The following DNAJC5B variants were observed in gnomAD, a reference collection of about 807,000 sequenced individuals.
DNAJC5B encodes dnaJ homolog subfamily C member 5B.
DNAJC5B carries 23 observed loss-of-function variants against 24.7 expected under a neutral mutation model. The observed-to-expected ratio is 0.93, with a 90% CI of 0.67 to 1.32. DNAJC5B has a LOEUF of 1.32. Ranked by LOEUF, DNAJC5B falls within the 40% of genes most tolerant of loss-of-function variation. The probability of loss-of-function intolerance (pLI) is 0.00; values close to 1 mark genes in which losing one functional copy is unlikely to be tolerated. For synonymous variants in DNAJC5B, 101 were observed against 90.1 expected, an observed-to-expected ratio of 1.12 and a Z score of -0.68; for missense variants, 238 against 240.8, an observed-to-expected ratio of 0.99 and a Z score of 0.08.
At chr8:66,040,090 G>T (rs919178782) in intron 1 of DNAJC5B, among the ~76,000 whole-genome samples, 1 of 152,120 alleles carries the variant, frequency 6.6e-6, no homozygotes, top group African/African-American at 2.4e-5. Flanking sequence ...GGAGACATAG[G>T]CTTCAAGAAA....
chr8:66,080,652 A>G, intron 5 of DNAJC5B, 104 bp downstream of exon 5: 1 of 990,752 alleles, frequency 1.0e-6, no homozygotes, highest in South Asian at 1.9e-5. Flanking sequence ...AGCTCCCACA[A>G]CCAAATGGGT....
At chr8:66,015,687 G>C in the DNAJC5B span, among the ~76,000 whole-genome samples, 1 of 152,304 alleles carries the variant, frequency 6.6e-6, no homozygotes, top group Non-Finnish European at 1.5e-5. Flanking sequence ...TATTATCCTT[G>C]GTCTGAGAGA....
At chr8:66,051,773 A>G (rs1026324624) in intron 3 of DNAJC5B, 107 bp downstream of exon 3, 7 of 792,398 alleles carry the variant, frequency 8.8e-6, no homozygotes, top group Non-Finnish European at 1.5e-5. Flanking sequence ...AGTAATCCAA[A>G]TTTTAGATCC....
At chr8:66,053,703 C>G (rs1363080964) in intron 3 of DNAJC5B, among the ~76,000 whole-genome samples, 2 of 151,148 alleles carry the variant, frequency 1.3e-5, no homozygotes, top group Non-Finnish European at 2.9e-5. Flanking sequence ...GATCTCGGCT[C>G]ACCGCAACCT....
chr8:66,028,958 C>A (rs1001220024), intron 1 of DNAJC5B, among the ~76,000 whole-genome samples: 1 of 152,210 alleles, frequency 6.6e-6, no homozygotes, highest in Admixed American at 6.5e-5. Context: ...CTTGGCTACC[C>A]ATTTATCCAT....
At position 66,061,452 on chromosome 8, in the gene DNAJC5B, T is replaced by G. The variant is rs556573509; in HGVS notation, c.119+9786T>G. 2.0e-5 allele frequency among the ~76,000 whole-genome samples: 3 copies of G among 152,180 alleles called. No individual in the cohort carries two copies. The South Asian group carries it at 6.2e-4, about 32-fold the overall frequency. On this transcript the variant is annotated intron_variant, in intron 3 of 5. Transcript: ENST00000276570. ...AAATGCTTAGCCAGGGTTTGGCACA[T>G]GGGTACTGGGTGCTACAAAGGATAT...
At chr8:66,086,006 G>C (rs1022840688) in intron 5 of DNAJC5B, among the ~76,000 whole-genome samples, 26 of 152,144 alleles carry the variant, frequency 1.7e-4, no homozygotes, top group African/African-American at 6.3e-4. Context: ...TACAAAGCTG[G>C]TAATGTCTTG....
intron 1 of DNAJC5B, among the ~76,000 whole-genome samples, chr8:66,032,501 T>C (rs1806380841): frequency 6.6e-6 from 1 of 152,208 alleles, no homozygotes; most frequent in South Asian, 2.1e-4. Context: ...CCCACTCTGC[T>C]TGGGAGGGAG....
At chr8:66,027,797 T>C (rs1312528078) in intron 1 of DNAJC5B, among the ~76,000 whole-genome samples, 1 of 152,222 alleles carries the variant, frequency 6.6e-6, no homozygotes, top group African/African-American at 2.4e-5. Flanking sequence ...TCATACTATG[T>C]CCTTTCAAGG....
At chr8:66,015,547 C>T in the DNAJC5B span, among the ~76,000 whole-genome samples, 1 of 120,834 alleles carries the variant, frequency 8.3e-6, no homozygotes, top group East Asian at 2.0e-4. Context: ...GAAGGGAGAG[C>T]GAGAAATGAG....
chr8:66,075,712 A>G (rs1807447704), intron 3 of DNAJC5B, among the ~76,000 whole-genome samples: 1 of 152,208 alleles, frequency 6.6e-6, no homozygotes, highest in African/African-American at 2.4e-5. Flanking sequence ...GCTTTTAAAT[A>G]TTTTGGTAAT....
chr8:66,066,183 C>T (rs1179878234), intron 3 of DNAJC5B, among the ~76,000 whole-genome samples: 1 of 152,156 alleles, frequency 6.6e-6, no homozygotes, highest in Admixed American at 6.5e-5. Context: ...AATGAGGTAT[C>T]GCCTTACTCC....
rs549866061 is a variant in DNAJC5B at position 66,081,111 on chromosome 8, G to A, written c.505+563G>A. ...CAGCATCAAGGATGGGACTATTTGC[G>A]TTGCTAACCCACCTCCGTGTGTCCA... is the stretch of plus-strand genomic sequence containing the variant. On this transcript the variant is annotated intron_variant, in intron 5 of 5. Coordinates refer to ENST00000276570, the MANE Select transcript of DNAJC5B (RefSeq NM_033105.6). 1.1e-4 allele frequency among the ~76,000 whole-genome samples: 17 copies of A among 152,234 alleles called. No individual in the cohort carries two copies. The South Asian group carries it at 2.9e-3, about 26-fold the overall frequency.
chr8:66,022,302 C>G (rs757240573), intron 1 of DNAJC5B, among the ~76,000 whole-genome samples: 8 of 152,168 alleles, frequency 5.3e-5, no homozygotes, highest in Non-Finnish European at 7.3e-5. Context: ...ATACTTGTTT[C>G]TTCCTGGAGT....
intron 5 of DNAJC5B, among the ~76,000 whole-genome samples, chr8:66,085,098 A>G (rs1807691956): frequency 6.6e-6 from 1 of 151,970 alleles, no homozygotes; most frequent in African/African-American, 2.4e-5. Context: ...CATGGTCTCT[A>G]CTATGTATCC....
intron 3 of DNAJC5B, among the ~76,000 whole-genome samples, chr8:66,059,389 T>C (rs1807032801): frequency 6.6e-6 from 1 of 152,232 alleles, no homozygotes; most frequent in Admixed American, 6.5e-5. Flanking sequence ...TACATTTGCC[T>C]GAACTTTAAA....
the DNAJC5B span, among the ~76,000 whole-genome samples, chr8:66,015,569 G>C: frequency 2.6e-5 from 4 of 151,962 alleles, no homozygotes; most frequent in African/African-American, 4.8e-5. Context: ...GAGAGAGAGA[G>C]AGAGACAGAG....
chr8:66,027,661 A>T (rs1324052416), intron 1 of DNAJC5B, among the ~76,000 whole-genome samples: 4 of 152,208 alleles, frequency 2.6e-5, no homozygotes, highest in African/African-American at 4.8e-5. Flanking sequence ...TCGTCCTTTC[A>T]AGTATATTTA....
At chr8:66,089,884 A>G (rs61437839) in intron 5 of DNAJC5B, among the ~76,000 whole-genome samples, 21,720 of 152,218 alleles carry the variant, frequency 0.14, 2,269 homozygotes, top group African/African-American at 0.29. Context: ...ACTCCCAATG[A>G]GATCCCAGGA....
Sources: allele counts gnomAD v4.1 joint callset (sites outside exome capture counted in the v4.1 genomes callset), GRCh38; gene constraint gnomAD v4.1.1; transcripts MANE v1.5; gene names NCBI Gene and HGNC (gene_info 2026-07-23, HGNC 2026-07-21).